The following KCNJ6 variants were observed in gnomAD, a reference collection of about 807,000 sequenced individuals.
The protein encoded by KCNJ6 is G protein-activated inward rectifier potassium channel 2.
In KCNJ6, 9 loss-of-function variants were observed where a neutral mutation model predicts 34.2. The ratio of observed to expected loss-of-function variants is 0.26; its 90% confidence interval spans 0.16 to 0.46. The LOEUF (loss-of-function observed/expected upper bound fraction) is 0.46, where lower values mean the gene tolerates loss of function less well. Ranked by LOEUF, KCNJ6 falls within the 20% of genes least tolerant of loss-of-function variation. KCNJ6 has a pLI of 1.00. For synonymous variants in KCNJ6, 196 were observed against 207.1 expected, an observed-to-expected ratio of 0.95 and a Z score of 0.46; for missense variants, 236 against 531.3, an observed-to-expected ratio of 0.44 and a Z score of 5.46.
chr21:37,876,645 T>C (rs991428934), intron 1 of KCNJ6, among the ~76,000 whole-genome samples: 1 of 152,000 alleles, frequency 6.6e-6, no homozygotes, highest in African/African-American at 2.4e-5. Flanking sequence ...AATATATATA[T>C]AAATTAAACA....
intron 2 of KCNJ6, among the ~76,000 whole-genome samples, chr21:37,803,856 T>G (rs961552752): frequency 1.3e-5 from 2 of 152,142 alleles, no homozygotes; most frequent in African/African-American, 4.8e-5. Flanking sequence ...ACCATCTCAC[T>G]CCTTCATGGG....
intron 3 of KCNJ6, among the ~76,000 whole-genome samples, chr21:37,702,694 C>T (rs1180619692): frequency 6.6e-6 from 1 of 152,030 alleles, no homozygotes; most frequent in African/African-American, 2.4e-5. Flanking sequence ...GGGCTGAAGT[C>T]GCTGAGAAGG....
At chr21:37,709,656 C>T (rs2054740832) in intron 3 of KCNJ6, among the ~76,000 whole-genome samples, 1 of 152,224 alleles carries the variant, frequency 6.6e-6, no homozygotes, top group Non-Finnish European at 1.5e-5. Flanking sequence ...GTGGCTGTGG[C>T]TTTCAAGGTC....
At chr21:37,872,531 A>ATT (rs2055657795) in intron 1 of KCNJ6, among the ~76,000 whole-genome samples, 1 of 152,150 alleles carries the variant, frequency 6.6e-6, no homozygotes, top group South Asian at 2.1e-4. Flanking sequence ...AATAACACTC[A>ATT]TTTGCTTCAC....
At chr21:37,765,439 G>A (rs567967995) in intron 2 of KCNJ6, among the ~76,000 whole-genome samples, 1 of 152,332 alleles carries the variant, frequency 6.6e-6, no homozygotes, top group East Asian at 1.9e-4. Context: ...CACAGATGGA[G>A]AGGGTAGGGG....
intron 3 of KCNJ6, among the ~76,000 whole-genome samples, chr21:37,687,216 G>A (rs1226608422): frequency 1.3e-5 from 2 of 152,050 alleles, no homozygotes; most frequent in Admixed American, 6.5e-5. Flanking sequence ...AGGGAGAAAG[G>A]CTAAGGGTAG....
intron 3 of KCNJ6, among the ~76,000 whole-genome samples, chr21:37,626,966 T>C (rs2054314013): frequency 1.3e-5 from 2 of 152,182 alleles, no homozygotes; most frequent in African/African-American, 4.8e-5. Flanking sequence ...CCTGTGTCCA[T>C]TCAGGAGAGC....
At chr21:37,700,575 C>T (rs1012306401) in intron 3 of KCNJ6, among the ~76,000 whole-genome samples, 3 of 152,104 alleles carry the variant, frequency 2.0e-5, no homozygotes, top group African/African-American at 7.2e-5. Flanking sequence ...ATTGCAAAAA[C>T]GAGAGACTAC....
intron 2 of KCNJ6, among the ~76,000 whole-genome samples, chr21:37,833,779 T>G (rs2055438525): frequency 6.6e-6 from 1 of 152,092 alleles, no homozygotes; most frequent in African/African-American, 2.4e-5. Context: ...TCCTAGAGAG[T>G]AGGGAGTTCT....
rs370301203 is a variant in KCNJ6 at position 37,625,145 on chromosome 21, G to A, written c.*14C>T. The A allele has an allele frequency of 3.1e-6, 5 of 1,589,018 alleles. No homozygotes were observed. The highest frequency in any genetic ancestry group is 4.3e-6 in the Non-Finnish European group (5 of 1,159,722). The stretch of plus-strand genomic sequence containing the variant: ...TGTTGGGGGGAGAAGAGAAGGGTTT[G>A]CCCAGCTAGGGCACTAAACTTTGGA... On this transcript the variant is annotated 3_prime_UTR_variant, in exon 4 of 4. Coordinates refer to ENST00000609713, the MANE Select transcript of KCNJ6 (RefSeq NM_002240.5).
intron 2 of KCNJ6, among the ~76,000 whole-genome samples, chr21:37,748,516 C>T (rs1363198721): frequency 6.6e-6 from 1 of 151,984 alleles, no homozygotes; most frequent in Non-Finnish European, 1.5e-5. Flanking sequence ...TCCATTGACT[C>T]AGAGCTTGGT....
chr21:37,776,720 C>G (rs532798861), intron 2 of KCNJ6, among the ~76,000 whole-genome samples: 1 of 152,108 alleles, frequency 6.6e-6, no homozygotes, highest in African/African-American at 2.4e-5. Flanking sequence ...GGTGGATAAG[C>G]TTTTTGATGT....
At chr21:37,751,158 A>G (rs1478225267) in intron 2 of KCNJ6, among the ~76,000 whole-genome samples, 1 of 152,254 alleles carries the variant, frequency 6.6e-6, no homozygotes, top group Non-Finnish European at 1.5e-5. Context: ...AGCAGGGCCA[A>G]GAGAAAGCAA....
Position 37,883,563 on chromosome 21 carries a change from C to T in KCNJ6, c.-28+32321G>A, listed in dbSNP as rs577078336. Reference sequence around the variant, plus strand: ...CATGGCTGTGTTTCCAGGTGCCAGGCGGCGGGCACCGTCTTGGCTTCTCTG... The same window carrying T: ...CATGGCTGTGTTTCCAGGTGCCAGGTGGCGGGCACCGTCTTGGCTTCTCTG... On this transcript the variant is annotated intron_variant, in intron 1 of 3. Coordinates refer to ENST00000609713, the MANE Select transcript of KCNJ6 (RefSeq NM_002240.5). Among the ~76,000 whole-genome samples the T allele has an allele frequency of 9.2e-5, 14 of 152,248 alleles. No individual in the cohort carries two copies. In the South Asian group the frequency reaches 1.9e-3, roughly 20 times the overall value.
chr21:37,809,478 A>G (rs2123540755), intron 2 of KCNJ6, among the ~76,000 whole-genome samples: 1 of 152,118 alleles, frequency 6.6e-6, no homozygotes, highest in South Asian at 2.1e-4. Context: ...ATACACATGT[A>G]ACAAACCTGC....
intron 2 of KCNJ6, among the ~76,000 whole-genome samples, chr21:37,835,735 G>T (rs894532853): frequency 2.6e-5 from 4 of 152,144 alleles, no homozygotes; most frequent in Admixed American, 1.3e-4. Context: ...CTAGAATCAG[G>T]CTTTCAGTTT....
At chr21:37,669,823 T>A (rs2054533806) in intron 3 of KCNJ6, among the ~76,000 whole-genome samples, 2 of 152,252 alleles carry the variant, frequency 1.3e-5, no homozygotes, top group African/African-American at 4.8e-5. Flanking sequence ...GTATGTTGTC[T>A]TTCACTTTCA....
At chr21:37,900,959 A>G (rs1294588570) in intron 1 of KCNJ6, among the ~76,000 whole-genome samples, 1 of 152,220 alleles carries the variant, frequency 6.6e-6, no homozygotes, top group Admixed American at 6.5e-5. Context: ...CATAAAACAT[A>G]GTAAACCCTC....
At chr21:37,843,400 T>C (rs961423664) in intron 1 of KCNJ6, among the ~76,000 whole-genome samples, 7 of 152,186 alleles carry the variant, frequency 4.6e-5, no homozygotes, top group Non-Finnish European at 1.0e-4. Context: ...ATCTATATCA[T>C]AACTTATGGT....
Sources: gnomAD v4.1 joint callset for allele counts (sites outside exome capture counted in the v4.1 genomes callset) on GRCh38, gnomAD v4.1.1 for gene constraint, MANE v1.5 for transcripts, NCBI Gene and HGNC (gene_info 2026-07-23, HGNC 2026-07-21) for gene names.